Variants in ALK observed in about 807,000 individuals in gnomAD.
The protein encoded by ALK is ALK tyrosine kinase receptor.
Under a neutral mutation model 163.1 loss-of-function variants are expected in ALK, and 74 were observed. The ratio of observed to expected loss-of-function variants is 0.45; its 90% CI spans 0.38 to 0.55. ALK has a LOEUF of 0.55. ALK is among the 20% of genes least tolerant of loss of function. ALK has a pLI of 0.00. For synonymous variants in ALK, 960 were observed against 843.2 expected (o/e 1.14, Z -2.40); for missense variants, 2,063 against 2,105.3 (o/e 0.98, Z 0.39).
Position 29,859,778 on chromosome 2 carries a change from G to A in ALK, c.667+60215C>T, listed in dbSNP as rs533214781. 5.9e-5 allele frequency among the ~76,000 whole-genome samples: 9 copies of A among 152,308 alleles called. No individual in the cohort carries two copies. In the South Asian group the frequency reaches 1.9e-3, roughly 32 times the overall value. On this transcript the variant is annotated intron_variant, in intron 1 of 28. Coordinates refer to ENST00000389048, the MANE Select transcript of ALK (RefSeq NM_004304.5). Reference sequence around the variant, plus strand: ...GACGGTTTGGTCACATAGGGACTGAGTTACTGGAAAGACTTCTTCTAGGAG... The same window carrying A: ...GACGGTTTGGTCACATAGGGACTGAATTACTGGAAAGACTTCTTCTAGGAG...
At chr2:29,633,490 A>G (rs920488789) in intron 3 of ALK, among the ~76,000 whole-genome samples, 1 of 152,076 alleles carries the variant, frequency 6.6e-6, no homozygotes, top group African/African-American at 2.4e-5. Context: ...TCAAATCAAC[A>G]ATCTATGCTC....
intron 4 of ALK, among the ~76,000 whole-genome samples, chr2:29,445,230 G>A (rs1424115818): frequency 6.6e-6 from 1 of 152,188 alleles, no homozygotes; most frequent in African/African-American, 2.4e-5. Flanking sequence ...ATCACAGGGA[G>A]AAAAGTCTAA....
intron 4 of ALK, among the ~76,000 whole-genome samples, chr2:29,417,953 G>A (rs567109422): frequency 8.5e-5 from 13 of 152,214 alleles, no homozygotes; most frequent in African/African-American, 3.1e-4. Context: ...TATTTTCTGC[G>A]AATACAGTTA....
chr2:29,876,517 A>ATGATGG (rs922677693), intron 1 of ALK, among the ~76,000 whole-genome samples: 2 of 148,534 alleles, frequency 1.3e-5, no homozygotes, highest in African/African-American at 2.5e-5. Flanking sequence ...AATGGTAATG[A>ATGATGG]TGATGGTGAT....
chr2:29,397,051 T>G (rs570676573), intron 4 of ALK, among the ~76,000 whole-genome samples: 1 of 152,134 alleles, frequency 6.6e-6, no homozygotes, highest in South Asian at 2.1e-4. Context: ...TCGGTCCTAG[T>G]AGGGTGGGCA....
chr2:29,755,067 A>G lies in ALK; in HGVS notation c.668-37370T>C, dbSNP rs543426864. On this transcript the variant is annotated intron_variant, in intron 1 of 28. Transcript: ENST00000389048. ...GGAATGCTTATAAAGTTTTTCCAAC[A>G]GCAGCTTCTCTAAGGGTACCAACTC... Among the ~76,000 whole-genome samples the G allele has an allele frequency of 3.4e-5, 3 of 88,808 alleles. No individual in the cohort carries two copies. The East Asian group carries it at 1.4e-3, about 42-fold the overall frequency. 58.3% of individuals were successfully genotyped at this position (88,808 alleles called of 152,430 possible).
At chr2:29,854,831 T>G (rs1276153727) in intron 1 of ALK, among the ~76,000 whole-genome samples, 2 of 152,238 alleles carry the variant, frequency 1.3e-5, no homozygotes, top group African/African-American at 2.4e-5. Context: ...TTCTAAATAC[T>G]TTACCAATAT....
At chr2:29,437,042 T>C (rs1670418637) in intron 4 of ALK, among the ~76,000 whole-genome samples, 1 of 152,124 alleles carries the variant, frequency 6.6e-6, no homozygotes, top group Non-Finnish European at 1.5e-5. Flanking sequence ...CAAATGGTGT[T>C]GGTGTTTTCT....
intron 1 of ALK, among the ~76,000 whole-genome samples, chr2:29,801,305 CAT>C (rs1285988603): frequency 3.9e-5 from 6 of 152,126 alleles, no homozygotes; most frequent in African/African-American, 9.7e-5. Context: ...TTGAAAAACA[CAT>C]AGAATTTTTA....
intron 4 of ALK, among the ~76,000 whole-genome samples, chr2:29,477,723 C>T (rs528923005): frequency 2.0e-5 from 3 of 152,010 alleles, no homozygotes; most frequent in Non-Finnish European, 2.9e-5. Flanking sequence ...GAGAGGGATG[C>T]GAGGGAACTG....
chr2:29,868,076 A>T (rs191873396), intron 1 of ALK, among the ~76,000 whole-genome samples: 1 of 152,370 alleles, frequency 6.6e-6, no homozygotes, highest in East Asian at 1.9e-4. Context: ...TGGCTACAGC[A>T]GAGCAAAGGC....
intron 1 of ALK, among the ~76,000 whole-genome samples, chr2:29,747,986 G>A (rs1359130328): frequency 1.3e-5 from 2 of 152,212 alleles, no homozygotes; most frequent in African/African-American, 4.8e-5. Flanking sequence ...TGAGTCATGT[G>A]AATCCTAAAT....
chr2:29,798,249 T>C (rs1194462968), intron 1 of ALK, among the ~76,000 whole-genome samples: 1 of 152,226 alleles, frequency 6.6e-6, no homozygotes, highest in African/African-American at 2.4e-5. Context: ...AGGGAGTCTT[T>C]TGGATGCTTT....
At chr2:29,652,345 T>C (rs1677060683) in intron 3 of ALK, among the ~76,000 whole-genome samples, 1 of 152,054 alleles carries the variant, frequency 6.6e-6, no homozygotes, top group Non-Finnish European at 1.5e-5. Context: ...GAGTAACGAG[T>C]TCTCTTTGCA....
chr2:29,209,449 G>A (rs1669403026), intron 25 of ALK, among the ~76,000 whole-genome samples: 1 of 151,352 alleles, frequency 6.6e-6, no homozygotes. Flanking sequence ...AGCTGAGGCA[G>A]GAAAATCGCT....
chr2:29,711,226 T>C (rs1396461276), intron 2 of ALK, among the ~76,000 whole-genome samples: 2 of 152,192 alleles, frequency 1.3e-5, no homozygotes, highest in Admixed American at 1.3e-4. Context: ...CCAGGTCCTC[T>C]ACAACCTTTG....
intron 23 of ALK, among the ~76,000 whole-genome samples, chr2:29,216,489 C>T (rs1267324224): frequency 1.3e-5 from 2 of 152,152 alleles, no homozygotes; most frequent in Non-Finnish European, 2.9e-5. Flanking sequence ...GGCATTAACT[C>T]ACGGGCTAGG....
At chr2:29,222,214 C>T in intron 22 of ALK, 130 bp downstream of exon 22, 1 of 823,162 alleles carries the variant, frequency 1.2e-6, no homozygotes, top group Non-Finnish European at 2.1e-6. Context: ...TTGGGAGTCT[C>T]CTACTGGAGA....
In ALK at chr2:29,327,082, T is replaced by G. The variant is rs553817563; in HGVS notation, c.1414+1268A>C. On this transcript the variant is annotated intron_variant, in intron 6 of 28. Coordinates refer to ENST00000389048, the MANE Select transcript of ALK (RefSeq NM_004304.5). ...GCTGCCTGTAGGTATTCTGGAAGCG[T>G]TGGTGGTTTCAGTGGCAAAAACATC... Among the ~76,000 whole-genome samples the G allele has an allele frequency of 1.6e-3, 247 of 152,328 alleles. 1 individual carries two copies. Among genetic ancestry groups the G allele is most frequent in the African/African-American group, 5.7e-3 (237 of 41,576 alleles).
Sources: allele counts gnomAD v4.1 joint callset (sites outside exome capture counted in the v4.1 genomes callset), GRCh38; gene constraint gnomAD v4.1.1; transcripts MANE v1.5; gene names NCBI Gene and HGNC (gene_info 2026-07-23, HGNC 2026-07-21).